Variants in SCN11A observed in about 807,000 individuals in gnomAD.
SCN11A encodes sodium channel protein type 11 subunit alpha.
In SCN11A, 122 loss-of-function variants were observed where a neutral mutation model predicts 162.2. The ratio of observed to expected loss-of-function variants is 0.75; its 90% confidence interval spans 0.65 to 0.87. The LOEUF is 0.87. Ranked by LOEUF, SCN11A falls within the 40% of genes least tolerant of loss-of-function variation. SCN11A has a pLI of 0.00. For synonymous variants in SCN11A, 758 were observed against 751.5 expected (o/e 1.01, Z -0.14); for missense variants, 2,015 against 2,181.6 (o/e 0.92, Z 1.52).
At chr3:38,956,292 C>T (rs555288853) in intron 3 of SCN11A, among the ~76,000 whole-genome samples, 192 of 151,672 alleles carry the variant, frequency 1.3e-3, no homozygotes, top group African/African-American at 4.3e-3. Flanking sequence ...ATTGCCCTGA[C>T]AGAAAAGTCA....
intron 2 of SCN11A, among the ~76,000 whole-genome samples, chr3:39,023,979 C>T (rs1575363082): frequency 6.6e-6 from 1 of 152,102 alleles, no homozygotes; most frequent in Non-Finnish European, 1.5e-5. Context: ...GTCCCCCTTC[C>T]CAATCACCAG....
In SCN11A at chr3:38,919,920, T is replaced by C. The variant is rs1288094393; in HGVS notation, c.959+15A>G. The C allele has an allele frequency of 1.2e-6, 2 of 1,602,138 alleles. No homozygotes were observed. Among genetic ancestry groups the C allele is most frequent in the Non-Finnish European group, 1.7e-6 (2 of 1,169,460 alleles). On this transcript the variant is annotated intron_variant, in intron 11 of 29. Coordinates refer to ENST00000302328, the MANE Select transcript of SCN11A (RefSeq NM_001349253.2). Reference sequence around the variant, plus strand: ...GGTACTCTTCTTGGGAGGAAAATGATTATAAACCTCTTACCTGTTACCCAT... The same window carrying C: ...GGTACTCTTCTTGGGAGGAAAATGACTATAAACCTCTTACCTGTTACCCAT...
chr3:38,952,386 T>C (rs1327489927), intron 4 of SCN11A, among the ~76,000 whole-genome samples: 2 of 152,234 alleles, frequency 1.3e-5, no homozygotes, highest in African/African-American at 4.8e-5. Flanking sequence ...TCTTTCTTTC[T>C]TATTTACTGG....
intron 23 of SCN11A, among the ~76,000 whole-genome samples, chr3:38,875,996 C>T (rs1406195324): frequency 6.6e-6 from 1 of 152,092 alleles, no homozygotes; most frequent in African/African-American, 2.4e-5. Context: ...CAGCATGGTA[C>T]TGGTATAAAA....
chr3:38,868,685 C>T (rs1575224050), intron 26 of SCN11A, among the ~76,000 whole-genome samples: 1 of 152,176 alleles, frequency 6.6e-6, no homozygotes, highest in East Asian at 1.9e-4. Context: ...CCTGATTATC[C>T]CTCTTTGGGT....
intron 7 of SCN11A, among the ~76,000 whole-genome samples, chr3:38,929,158 CACACACACACACACAT>C (rs1212446405): frequency 1.1e-4 from 15 of 132,394 alleles, no homozygotes; most frequent in Non-Finnish European, 2.2e-4. Flanking sequence ...CACACACACA[CACACACACACACACAT>C]GTTTGGGACT....
intron 9 of SCN11A, 40 bp downstream of exon 9, chr3:38,925,373 CTT>C: frequency 7.8e-7 from 1 of 1,284,598 alleles, no homozygotes; most frequent in Non-Finnish European, 1.1e-6. Context: ...AATTAACATT[CTT>C]TCTAGATAGG....
intron 14 of SCN11A, among the ~76,000 whole-genome samples, chr3:38,907,230 T>C (rs73828705): frequency 6.6e-6 from 1 of 151,376 alleles, no homozygotes; most frequent in South Asian, 2.1e-4. Flanking sequence ...AGTAGGAAAT[T>C]AGAGGGAAAT....
chr3:39,040,248 C>T (rs560345852), intron 1 of SCN11A, among the ~76,000 whole-genome samples: 36 of 152,370 alleles, frequency 2.4e-4, no homozygotes, highest in Admixed American at 5.2e-4. Flanking sequence ...CACACAGAGA[C>T]TACATAACTG....
At chr3:38,923,469 G>C (rs1432919212) in intron 9 of SCN11A, among the ~76,000 whole-genome samples, 1 of 152,168 alleles carries the variant, frequency 6.6e-6, no homozygotes, top group Non-Finnish European at 1.5e-5. Flanking sequence ...AAGCTAGCTT[G>C]TAATCTGACC....
chr3:39,046,774 G>A (rs1023861833), intron 1 of SCN11A, among the ~76,000 whole-genome samples: 1 of 152,162 alleles, frequency 6.6e-6, no homozygotes. Context: ...AGACTGAAGT[G>A]CAATGATGTG....
At chr3:38,910,415 A>G (rs549862790) in intron 11 of SCN11A, among the ~76,000 whole-genome samples, 2 of 152,332 alleles carry the variant, frequency 1.3e-5, no homozygotes, top group South Asian at 4.1e-4. Context: ...ATAGTTTTTC[A>G]TTGAAAAATT....
intron 28 of SCN11A, among the ~76,000 whole-genome samples, chr3:38,856,165 A>G (rs1225282482): frequency 1.3e-5 from 2 of 152,318 alleles, no homozygotes; most frequent in South Asian, 4.1e-4. Context: ...CTCTAGCCCA[A>G]TGGGCAGGCA....
At chr3:38,851,797 TG>T (rs2064784853) in intron 28 of SCN11A, among the ~76,000 whole-genome samples, 1 of 152,140 alleles carries the variant, frequency 6.6e-6, no homozygotes, top group Non-Finnish European at 1.5e-5. Context: ...CAGGCAAAGA[TG>T]ATGTTGGCTT....
Position 38,909,216 on chromosome 3 carries a change from C to T in SCN11A, c.1102-22G>A, listed in dbSNP as rs370925962. The T allele has an allele frequency of 1.5e-5, 24 of 1,610,854 alleles. No individual in the cohort carries two copies. The African/African-American group carries it at 3.1e-4, about 21-fold the overall frequency. ...GGGTCTGCAAAGGACAGAGCATGTT[C>T]TTGAATATCAAACCTTCTTCCACAG... On this transcript the variant is annotated intron_variant, in intron 12 of 29. Transcript: ENST00000302328.
At chr3:38,941,504 G>A (rs2066442379) in intron 7 of SCN11A, among the ~76,000 whole-genome samples, 1 of 152,120 alleles carries the variant, frequency 6.6e-6, no homozygotes, top group South Asian at 2.1e-4. Context: ...AAGCAAAAAT[G>A]ATAAACTGTA....
intron 2 of SCN11A, among the ~76,000 whole-genome samples, chr3:39,011,652 T>G (rs898845104): frequency 3.9e-5 from 6 of 152,242 alleles, no homozygotes; most frequent in Non-Finnish European, 7.3e-5. Flanking sequence ...TTAAGCTAAC[T>G]TTTTGCTTAT....
At chr3:38,989,377 T>A (rs916224847) in intron 2 of SCN11A, among the ~76,000 whole-genome samples, 3 of 152,036 alleles carry the variant, frequency 2.0e-5, no homozygotes. Context: ...CACAGATCTG[T>A]GAGTATACTA....
chr3:38,872,049 C>A (rs1276615902), intron 24 of SCN11A, 144 bp downstream of exon 24: 6 of 678,596 alleles, frequency 8.8e-6, no homozygotes, highest in East Asian at 7.6e-5. Context: ...TTTCTCTACC[C>A]CTCAAATTCT....
Sources: gnomAD v4.1 joint callset for allele counts (sites outside exome capture counted in the v4.1 genomes callset) on GRCh38, gnomAD v4.1.1 for gene constraint, MANE v1.5 for transcripts, NCBI Gene and HGNC (gene_info 2026-07-23, HGNC 2026-07-21) for gene names.